NRXN3: variants seen among roughly 807,000 people sequenced by gnomAD.
NRXN3 encodes neurexin 3.
In NRXN3, 32 loss-of-function variants were observed where a neutral mutation model predicts 137.6. That is an observed-to-expected ratio of 0.23 (90% CI 0.18 to 0.31). The LOEUF (loss-of-function observed/expected upper bound fraction) is 0.31. Ranked by LOEUF, NRXN3 falls within the 10% of genes least tolerant of loss-of-function variation. The pLI is 1.00. For missense variants in NRXN3, 1,574 were observed against 2,062.5 expected, an observed-to-expected ratio of 0.76 and a Z score of 4.59; for synonymous variants, 798 against 784.5, an observed-to-expected ratio of 1.02 and a Z score of -0.29.
At chr14:79,033,763 T>C (rs1352856811) in intron 15 of NRXN3, among the ~76,000 whole-genome samples, 1 of 152,104 alleles carries the variant, frequency 6.6e-6, no homozygotes, top group Non-Finnish European at 1.5e-5. Context: ...AACCAAGATG[T>C]CTTTTTTTCC....
chr14:79,044,507 T>A (rs989551779), intron 15 of NRXN3, among the ~76,000 whole-genome samples: 7 of 152,148 alleles, frequency 4.6e-5, no homozygotes, highest in Non-Finnish European at 2.9e-5. Flanking sequence ...GTTAAATGAG[T>A]TGAAGTAGTG....
Position 78,420,603 on chromosome 14 carries a change from C to T in NRXN3, c.757+122743C>T, listed in dbSNP as rs529974040. ...GGGTGAGAATGGAAGAATATATAGG[C>T]AAAAGAAGAGCTATGAAATATATTA... is the stretch of plus-strand genomic sequence containing the variant. On this transcript the variant is annotated intron_variant, in intron 4 of 20. Coordinates refer to ENST00000335750, the MANE Select transcript of NRXN3 (RefSeq NM_001330195.2). Among the ~76,000 whole-genome samples, 29 of 152,128 alleles carry T rather than the reference C, an allele frequency of 1.9e-4. No homozygotes were observed. The South Asian group carries it at 6.0e-3, about 32-fold the overall frequency.
intron 4 of NRXN3, among the ~76,000 whole-genome samples, chr14:78,510,735 C>T (rs534525776): frequency 5.9e-5 from 9 of 152,102 alleles, no homozygotes; most frequent in Non-Finnish European, 1.3e-4. Context: ...TCCTGAAGAC[C>T]TATAAGGCTT....
At chr14:78,265,004 TC>T (rs1268795318) in intron 2 of NRXN3, among the ~76,000 whole-genome samples, 2 of 152,238 alleles carry the variant, frequency 1.3e-5, no homozygotes, top group Admixed American at 6.5e-5. Flanking sequence ...GAGATAAATC[TC>T]CAAGTTCACA....
chr14:78,186,402 C>T (rs2060230583), intron 1 of NRXN3, among the ~76,000 whole-genome samples: 2 of 152,204 alleles, frequency 1.3e-5, no homozygotes, highest in African/African-American at 4.8e-5. Context: ...GGATTTGAGT[C>T]TTTTATTCTT....
intron 4 of NRXN3, among the ~76,000 whole-genome samples, chr14:78,530,540 C>A (rs938224353): frequency 7.2e-5 from 11 of 152,190 alleles, no homozygotes; most frequent in African/African-American, 2.7e-4. Context: ...AACAGGGGAA[C>A]CACCAGTGCC....
At chr14:78,707,125 T>C (rs2098359905) in intron 6 of NRXN3, among the ~76,000 whole-genome samples, 1 of 152,196 alleles carries the variant, frequency 6.6e-6, no homozygotes, top group African/African-American at 2.4e-5. Flanking sequence ...TCCTAAGTGC[T>C]TCACATGTTT....
At chr14:79,297,536 C>A (rs1398781443) in intron 15 of NRXN3, among the ~76,000 whole-genome samples, 1 of 151,990 alleles carries the variant, frequency 6.6e-6, no homozygotes, top group Non-Finnish European at 1.5e-5. Flanking sequence ...TTGTAACAAA[C>A]AGGTAATCAT....
intron 15 of NRXN3, among the ~76,000 whole-genome samples, chr14:79,240,336 C>T (rs2074074727): frequency 6.6e-6 from 1 of 151,988 alleles, no homozygotes; most frequent in South Asian, 2.1e-4. Context: ...TGCTTCAGGC[C>T]CCAAAGAAGT....
intron 15 of NRXN3, among the ~76,000 whole-genome samples, chr14:79,134,091 C>A (rs12880289): frequency 6.6e-6 from 1 of 151,844 alleles, no homozygotes; most frequent in Non-Finnish European, 1.5e-5. Context: ...TTCCTCTCAC[C>A]CCTTAGTGGT....
intron 19 of NRXN3, among the ~76,000 whole-genome samples, chr14:79,718,899 C>A (rs1475199503): frequency 1.3e-5 from 2 of 152,082 alleles, no homozygotes; most frequent in Non-Finnish European, 2.9e-5. Flanking sequence ...CTTCTGCCTT[C>A]AACCTGGTCT....
At chr14:79,204,886 T>A (rs573577170) in intron 15 of NRXN3, among the ~76,000 whole-genome samples, 4 of 152,304 alleles carry the variant, frequency 2.6e-5, no homozygotes, top group African/African-American at 9.6e-5. Context: ...AGACTTGGTG[T>A]ATGTACACAC....
At chr14:79,129,006 G>A in intron 15 of NRXN3, among the ~76,000 whole-genome samples, 1 of 152,132 alleles carries the variant, frequency 6.6e-6, no homozygotes, top group Non-Finnish European at 1.5e-5. Flanking sequence ...TTGTATTTCT[G>A]TGGGATCGGT....
intron 6 of NRXN3, among the ~76,000 whole-genome samples, chr14:78,681,198 A>C (rs2098072117): frequency 6.6e-6 from 1 of 152,206 alleles, no homozygotes. Context: ...CAATCGATGC[A>C]TGCCCATTTA....
chr14:78,803,932 C>A, intron 9 of NRXN3, 109 bp downstream of exon 9: 1 of 1,041,078 alleles, frequency 9.6e-7, no homozygotes, highest in Non-Finnish European at 1.4e-6. Context: ...AAGTTAGCTG[C>A]TCACCTCTTG....
chr14:79,541,661 GAGAC>G (rs780820306), intron 16 of NRXN3, among the ~76,000 whole-genome samples: 22 of 152,300 alleles, frequency 1.4e-4, no homozygotes, highest in Admixed American at 3.9e-4. Context: ...TGAGTCTCAA[GAGAC>G]ACAAGAAAAC....
At chr14:79,141,844 T>C (rs920511675) in intron 15 of NRXN3, among the ~76,000 whole-genome samples, 113 of 152,322 alleles carry the variant, frequency 7.4e-4, no homozygotes, top group African/African-American at 2.7e-3. Context: ...ATAGCCTCTG[T>C]TGGTGGCCTC....
intron 15 of NRXN3, among the ~76,000 whole-genome samples, chr14:79,059,537 A>G (rs918770839): frequency 8.6e-5 from 13 of 151,892 alleles, no homozygotes; most frequent in Admixed American, 7.9e-4. Context: ...GATTACAGGC[A>G]TGAGCCACCG....
At chr14:79,718,401 G>A (rs959542939) in intron 19 of NRXN3, among the ~76,000 whole-genome samples, 3 of 152,188 alleles carry the variant, frequency 2.0e-5, no homozygotes, top group African/African-American at 7.2e-5. Flanking sequence ...GTGGAAAGCA[G>A]TTTAGGTTTT....
Sources: gnomAD v4.1 joint callset for allele counts (sites outside exome capture counted in the v4.1 genomes callset) on GRCh38, gnomAD v4.1.1 for gene constraint, MANE v1.5 for transcripts, NCBI Gene and HGNC (gene_info 2026-07-23, HGNC 2026-07-21) for gene names.